Variants in MICAL1 observed in about 807,000 individuals in gnomAD.
MICAL1 encodes [F-actin]-monooxygenase MICAL1.
A neutral mutation model predicts 131.8 loss-of-function variants in MICAL1; 95 were observed. That is an observed-to-expected ratio of 0.72 (90% CI 0.61 to 0.86). The LOEUF (loss-of-function observed/expected upper bound fraction) is 0.86, where lower values mean the gene tolerates loss of function less well. MICAL1 is among the 40% of genes least tolerant of loss of function. The probability of loss-of-function intolerance (pLI) is 0.00; values close to 1 mark genes in which losing one functional copy is unlikely to be tolerated. For missense variants in MICAL1, 1,292 were observed against 1,380.6 expected, an observed-to-expected ratio of 0.94 and a Z score of 1.02; for synonymous variants, 546 against 554.2, an observed-to-expected ratio of 0.99 and a Z score of 0.21.
In MICAL1 at chr6:109,444,949, C is replaced by T; in HGVS notation, c.2928G>A (p.Gln976=). 1 of 1,614,096 alleles carries T rather than the reference C, an allele frequency of 6.2e-7. No homozygotes were observed. Among genetic ancestry groups the T allele is most frequent in the Non-Finnish European group, 8.5e-7 (1 of 1,180,034 alleles). The change falls in exon 23 of 25, where the codon CAG becomes CAA. Residue 976 remains glutamine, a synonymous_variant. Coordinates refer to ENST00000358807, the MANE Select transcript of MICAL1 (RefSeq NM_022765.4). ...QKKLWVGQLL[Q]LVDKKNSLVA... ...CCAGGCTGTTTTTCTTGTCAACGAG[C>T]TGTAGCAGCTGTCCTACCCATAGTT...
Position 109,454,073 on chromosome 6 carries a change from C to T in MICAL1, c.124G>A (p.Gly42Ser), listed in dbSNP as rs779685769. Residue 42 changes from glycine to serine, a missense_variant, in exon 2 of 25, where the codon GGT becomes AGT. By Grantham distance (56) the Gly-to-Ser change is moderately conservative (BLOSUM62 0). Transcript: ENST00000358807. ...TTGTGGTACTGGGGCAGCCCCCCAC[C>T]GGGTTCCAGCCCCAGGGCCCCACAC... ...ELCGALGLEP[G>S]GGLPQYHKIK... The T allele has an allele frequency of 1.1e-5, 17 of 1,613,880 alleles. No homozygotes were observed. The highest frequency in any genetic ancestry group is 5.0e-5 in the Admixed American group (3 of 60,008).
At chr6:109,462,174 G>C (rs1775905010) in intron 1 of MICAL1, among the ~76,000 whole-genome samples, 2 of 152,216 alleles carry the variant, frequency 1.3e-5, no homozygotes, top group African/African-American at 2.4e-5. Flanking sequence ...TACAACTGGT[G>C]TTCTTAAAAG....
intron 14 of MICAL1, 37 bp downstream of exon 14, chr6:109,447,838 C>T (rs1355572238): frequency 1.2e-6 from 2 of 1,612,584 alleles, no homozygotes; most frequent in East Asian, 2.2e-5. Context: ...CTGCCCACTC[C>T]TCCCTGCTCA....
At chr6:109,465,299 C>T (rs1334063857) in intron 1 of MICAL1, 6 of 255,868 alleles carry the variant, frequency 2.3e-5, no homozygotes, top group Non-Finnish European at 3.0e-5. Context: ...AAAGATAAAA[C>T]GTTGAGGGTT....
At chr6:109,453,608 C>T (rs774701919) in intron 3 of MICAL1, 30 bp downstream of exon 3, 50 of 1,561,376 alleles carry the variant, frequency 3.2e-5, no homozygotes, top group Non-Finnish European at 3.8e-5. Flanking sequence ...CAAGCTCACC[C>T]GCCCCTCCAG....
rs754545228 is a variant in MICAL1, at chr6:109,450,320, C to G, written c.1171G>C (p.Val391Leu). The change falls in exon 8 of 25, where the codon GTG becomes CTG. Residue 391 changes from valine to leucine, a missense_variant. Physicochemically the swap from Val to Leu is conservative, Grantham distance 32. Coordinates refer to ENST00000358807, the MANE Select transcript of MICAL1 (RefSeq NM_022765.4). ...KHGARLLLGL[V>L]GDCLVEPFWP... ...CTCACCTCCACCAGGCAGTCCCCCA[C>G]CAGTCCCAGCAGCAGGCGGGCGCCA... 2 of 1,608,352 alleles carry G rather than the reference C, an allele frequency of 1.2e-6. No homozygotes were observed. Among genetic ancestry groups the G allele is most frequent in the Non-Finnish European group, 8.5e-7 (1 of 1,175,890 alleles).
Position 109,454,284 on chromosome 6 carries a change from A to G in MICAL1, c.-43-45T>C, listed in dbSNP as rs1290000836. On this transcript the variant is annotated intron_variant, in intron 1 of 24. Coordinates refer to ENST00000358807, the MANE Select transcript of MICAL1 (RefSeq NM_022765.4). ...AGGGGAAGAGGCTGGAGAACAGAAG[A>G]AATAAAAAGGAAGGGGAGGCGAAGA... 6 of 1,493,044 alleles carry G rather than the reference A, an allele frequency of 4.0e-6. No individual in the cohort carries two copies. In the Admixed American group the frequency reaches 8.7e-5, roughly 22 times the overall value. 92.5% of individuals were successfully genotyped at this position (1,493,044 alleles called of 1,614,324 possible).
rs1775475136 is a variant in MICAL1 at position 109,450,101 on chromosome 6, A to G, written c.1192-16T>C. On this transcript the variant is annotated splice_polypyrimidine_tract_variant and intron_variant, in intron 8 of 24. Transcript: ENST00000358807. The stretch of plus-strand genomic sequence containing the variant: ...GCCAGAAGGGCTGCAGTGTCAGAGG[A>G]ATAGGAAGCAGCTCAGGGAGAATCC... 1 of 1,610,412 alleles carries G rather than the reference A, an allele frequency of 6.2e-7. No homozygotes were observed. Among genetic ancestry groups the G allele is most frequent in the African/African-American group, 1.3e-5 (1 of 74,828 alleles).
At chr6:109,457,846 T>C (rs1050305711), upstream of MICAL1, among the ~76,000 whole-genome samples, 37 of 152,252 alleles carry the variant, frequency 2.4e-4, 1 homozygote, top group African/African-American at 8.7e-4. Flanking sequence ...TTTCAACTTA[T>C]GCTAATTAAA....
chr6:109,452,181 G>A, intron 6 of MICAL1, 65 bp downstream of exon 6: 1 of 1,552,624 alleles, frequency 6.4e-7, no homozygotes, highest in Non-Finnish European at 8.7e-7. Flanking sequence ...AGTTTGGAAG[G>A]GAGAGGCAGG....
Position 109,448,306 on chromosome 6 carries a change from C to T in MICAL1, c.1752G>A (p.Pro584=), listed in dbSNP as rs147515639. 10 of 1,613,896 alleles carry T rather than the reference C, an allele frequency of 6.2e-6. No homozygotes were observed. The East Asian group carries it at 8.9e-5, about 14-fold the overall frequency. Reference sequence around the variant, plus strand: ...CTACCACGGCCTGTGCAGACACCACCGGTGTGATGCCCAGCTCATTCTCTG... The same window carrying T: ...CTACCACGGCCTGTGCAGACACCACTGGTGTGATGCCCAGCTCATTCTCTG... ...KVAENELGIT[P]VVSAQAVVAG... The change falls in exon 13 of 25, where the codon CCG becomes CCA. Residue 584 remains proline, a synonymous_variant. Transcript: ENST00000358807.
In MICAL1 at chr6:109,444,976, C is replaced by A. The variant is rs1562285554; in HGVS notation, c.2901G>T (p.Lys967Asn). ...GTAGCAGCTGTCCTACCCATAGTTT[C>A]TTTTGCTGTTCTGGGGAACCTGAGA... ...RRQSSSPEQQ[K>N]KLWVGQLLQL... The change falls in exon 23 of 25, where the codon AAG (lysine) becomes AAT (asparagine). Residue 967 changes from lysine to asparagine, a missense_variant. Lys to Asn is a moderately conservative substitution (Grantham distance 94). Coordinates refer to ENST00000358807, the MANE Select transcript of MICAL1 (RefSeq NM_022765.4). 6.2e-7 allele frequency: 1 copy of A among 1,613,956 alleles called. No individual in the cohort carries two copies. Among genetic ancestry groups the A allele is most frequent in the Non-Finnish European group, 8.5e-7 (1 of 1,180,030 alleles).
chr6:109,465,300 G>A (rs575115601), intron 1 of MICAL1: 2 of 256,910 alleles, frequency 7.8e-6, no homozygotes, highest in African/African-American at 2.2e-5. Flanking sequence ...AAGATAAAAC[G>A]TTGAGGGTTA....
intron 1 of MICAL1, chr6:109,463,645 A>G (rs1345809027): frequency 6.6e-6 from 1 of 152,260 alleles, no homozygotes; most frequent in Non-Finnish European, 1.5e-5. Flanking sequence ...TGAAATCTAA[A>G]TACAGATCAA....
In MICAL1 at chr6:109,446,786, A is replaced by T. The variant is rs202155033; in HGVS notation, c.2228-14T>A. ...AGTAGAAATGTCCTGGAAAGGGTAG[A>T]GAGGGGAGGAGGCATTTGGTGTGGG... On this transcript the variant is annotated splice_polypyrimidine_tract_variant and intron_variant, in intron 17 of 24. Coordinates refer to ENST00000358807, the MANE Select transcript of MICAL1 (RefSeq NM_022765.4). 2.7e-5 allele frequency: 43 copies of T among 1,611,024 alleles called. No individual in the cohort carries two copies. The highest frequency in any genetic ancestry group is 3.6e-5 in the Non-Finnish European group (43 of 1,178,546).
At position 109,444,266 on chromosome 6, in the gene MICAL1, C is replaced by G. The variant is rs1775103734; in HGVS notation, c.3129G>C (p.Gln1043His). ...VLRKLVDLVN[Q>H]RDALIRFQEE... ...CCTGGAAGCGGATGAGGGCATCTCTCTGGTTGACCAAATCCACCAGCTTCC... is the reference window on the plus strand; with the variant it reads ...CCTGGAAGCGGATGAGGGCATCTCTGTGGTTGACCAAATCCACCAGCTTCC... The change falls in exon 25 of 25, where the codon CAG becomes CAC. Residue 1043 changes from glutamine to histidine, a missense_variant. Gln to His is a conservative substitution (Grantham distance 24). Coordinates refer to ENST00000358807, the MANE Select transcript of MICAL1 (RefSeq NM_022765.4). 2.5e-6 allele frequency: 4 copies of G among 1,613,636 alleles called. 1 individual carries two copies. The South Asian group carries it at 3.3e-5, about 13-fold the overall frequency.
intron 22 of MICAL1, 86 bp from the exon 23 acceptor site, chr6:109,445,081 CG>C: frequency 6.4e-7 from 1 of 1,572,256 alleles, no homozygotes; most frequent in Non-Finnish European, 8.7e-7. Flanking sequence ...ACAGGAGAGC[CG>C]GGTGTCACAG....
At chr6:109,452,210 C>A in intron 6 of MICAL1, 36 bp downstream of exon 6, 1 of 1,590,124 alleles carries the variant, frequency 6.3e-7, no homozygotes, top group Non-Finnish European at 8.6e-7. Flanking sequence ...CACAGTCAGG[C>A]AGGGGGAGGG....
Position 109,445,780 on chromosome 6 carries a change from A to C in MICAL1, c.2664T>G (p.Asp888Glu), listed in dbSNP as rs1009745396. The change falls in exon 20 of 25, where the codon GAT becomes GAG. Residue 888 changes from aspartate to glutamate, a missense_variant. Asp to Glu is a conservative substitution (Grantham distance 45). Transcript: ENST00000358807. ...ACGCTGGCCCACTCACCTGTTCCAC[A>C]TCTGAGTCCAAAGGCACATCTTCTT... ...EEEEDVPLDSDVEQALQTFAK... is the reference protein window; with the variant it reads ...EEEEDVPLDSEVEQALQTFAK... 6.2e-7 allele frequency: 1 copy of C among 1,611,312 alleles called. No individual in the cohort carries two copies. Among genetic ancestry groups the C allele is most frequent in the Non-Finnish European group, 8.5e-7 (1 of 1,178,912 alleles).
Sources: gnomAD v4.1 joint callset for allele counts (sites outside exome capture counted in the v4.1 genomes callset) on GRCh38, gnomAD v4.1.1 for gene constraint, MANE v1.5 for transcripts, NCBI Gene and HGNC (gene_info 2026-07-23, HGNC 2026-07-21) for gene names.